Variants in SCFD2 observed in about 807,000 individuals in gnomAD.
SCFD2 encodes the protein sec1 family domain-containing protein 2.
In SCFD2, 54 loss-of-function variants were observed where a neutral mutation model predicts 58.9. That is an observed-to-expected ratio of 0.92 (90% CI 0.74 to 1.15). The LOEUF (loss-of-function observed/expected upper bound fraction) is 1.15. SCFD2 is among the 50% of genes most tolerant of loss of function. SCFD2 has a pLI of 0.00. For synonymous variants in SCFD2, 321 were observed against 335.9 expected, an observed-to-expected ratio of 0.96 and a Z score of 0.49; for missense variants, 805 against 836.6, an observed-to-expected ratio of 0.96 and a Z score of 0.47.
chr4:52,887,973 C>T (rs925616916), intron 7 of SCFD2, among the ~76,000 whole-genome samples: 10 of 134,256 alleles, frequency 7.4e-5, no homozygotes, highest in African/African-American at 1.8e-4. Context: ...TGCAGTGGTG[C>T]GATCTCGGCT....
chr4:53,264,454 G>A (rs1435754205), intron 4 of SCFD2, among the ~76,000 whole-genome samples: 1 of 152,206 alleles, frequency 6.6e-6, no homozygotes, highest in Non-Finnish European at 1.5e-5. Context: ...CTCCAAAGAT[G>A]CTTTTGCAAG....
At chr4:53,129,560 T>G (rs748789478) in intron 5 of SCFD2, among the ~76,000 whole-genome samples, 4 of 152,218 alleles carry the variant, frequency 2.6e-5, no homozygotes, top group Non-Finnish European at 4.4e-5. Flanking sequence ...CTGTTGCATC[T>G]CTTTCAATAT....
intron 5 of SCFD2, among the ~76,000 whole-genome samples, chr4:52,935,347 C>T (rs1217420800): frequency 1.3e-5 from 2 of 152,158 alleles, no homozygotes; most frequent in Non-Finnish European, 2.9e-5. Context: ...ACAACAACAA[C>T]AACAAAATTC....
intron 4 of SCFD2, among the ~76,000 whole-genome samples, chr4:53,238,012 C>T (rs911964719): frequency 7.1e-6 from 1 of 141,014 alleles, no homozygotes; most frequent in African/African-American, 2.7e-5. Context: ...GGCTGATCCC[C>T]CCACCTCCCT....
intron 7 of SCFD2, among the ~76,000 whole-genome samples, chr4:52,889,120 A>T (rs1192104032): frequency 6.6e-6 from 1 of 152,184 alleles, no homozygotes; most frequent in Non-Finnish European, 1.5e-5. Context: ...GGTTATCAAC[A>T]TCTCCTTGAT....
chr4:53,340,824 T>G (rs1733845617), intron 2 of SCFD2, among the ~76,000 whole-genome samples: 1 of 152,222 alleles, frequency 6.6e-6, no homozygotes, highest in South Asian at 2.1e-4. Context: ...TTATGCAGCC[T>G]CCGCTGCTGA....
chr4:53,164,845 T>A (rs369052577), intron 4 of SCFD2, among the ~76,000 whole-genome samples: 1 of 149,474 alleles, frequency 6.7e-6, no homozygotes, highest in Non-Finnish European at 1.5e-5. Flanking sequence ...AGTGTAGTCA[T>A]TCCTTAGGAG....
At chr4:53,275,038 A>C (rs1302307283) in intron 3 of SCFD2, among the ~76,000 whole-genome samples, 2 of 152,210 alleles carry the variant, frequency 1.3e-5, no homozygotes, top group East Asian at 3.9e-4. Flanking sequence ...AACCACCTGC[A>C]TTTATTTAGC....
chr4:53,269,944 T>C (rs1731109019), intron 4 of SCFD2, among the ~76,000 whole-genome samples: 1 of 152,166 alleles, frequency 6.6e-6, no homozygotes, highest in African/African-American at 2.4e-5. Flanking sequence ...GAAAATCACT[T>C]GAACTCAGGA....
intron 1 of SCFD2, among the ~76,000 whole-genome samples, chr4:53,361,467 G>A (rs1734546461): frequency 1.3e-5 from 2 of 152,220 alleles, no homozygotes; most frequent in African/African-American, 4.8e-5. Context: ...CACGATCACA[G>A]CTTACTGCAG....
intron 8 of SCFD2, among the ~76,000 whole-genome samples, chr4:52,878,961 CTCT>C (rs957852371): frequency 6.6e-6 from 1 of 152,210 alleles, no homozygotes; most frequent in Non-Finnish European, 1.5e-5. Flanking sequence ...TCCCTGCCAT[CTCT>C]TCTTCTCCTC....
chr4:52,948,769 G>T, intron 5 of SCFD2: 1 of 247,966 alleles, frequency 4.0e-6, no homozygotes, highest in Non-Finnish European at 8.2e-6. Context: ...TCATGGGGGT[G>T]GACAGGCTAG....
At chr4:53,285,134 T>C (rs1731626653) in intron 3 of SCFD2, among the ~76,000 whole-genome samples, 1 of 152,088 alleles carries the variant, frequency 6.6e-6, no homozygotes, top group South Asian at 2.1e-4. Flanking sequence ...GAACAGAAAA[T>C]AAACAGCTCT....
intron 4 of SCFD2, among the ~76,000 whole-genome samples, chr4:53,207,962 T>C (rs1453373052): frequency 6.6e-6 from 1 of 150,728 alleles, no homozygotes; most frequent in East Asian, 2.0e-4. Context: ...TTCTTTTCTT[T>C]TTTTTTTTCC....
intron 1 of SCFD2, among the ~76,000 whole-genome samples, chr4:53,355,551 A>G (rs1734376668): frequency 6.6e-6 from 1 of 152,152 alleles, no homozygotes; most frequent in Non-Finnish European, 1.5e-5. Context: ...TTGAGGATCT[A>G]CCTCAATCCT....
At chr4:53,267,093 C>T (rs939056379) in intron 4 of SCFD2, among the ~76,000 whole-genome samples, 1 of 152,002 alleles carries the variant, frequency 6.6e-6, no homozygotes, top group Non-Finnish European at 1.5e-5. Flanking sequence ...TTTCTAAGAC[C>T]GATTTCTTTT....
chr4:52,976,460 T>C (rs1721263235), intron 5 of SCFD2, among the ~76,000 whole-genome samples: 1 of 152,138 alleles, frequency 6.6e-6, no homozygotes, highest in African/African-American at 2.4e-5. Flanking sequence ...ACAAGTATCA[T>C]CTCCAAAATC....
intron 5 of SCFD2, among the ~76,000 whole-genome samples, chr4:53,059,962 C>T (rs1212872639): frequency 6.6e-6 from 1 of 152,096 alleles, no homozygotes; most frequent in Non-Finnish European, 1.5e-5. Context: ...TTTAATGATA[C>T]TCCTCTCACT....
At chr4:53,184,115 G>A (rs1727669564) in intron 4 of SCFD2, among the ~76,000 whole-genome samples, 1 of 152,100 alleles carries the variant, frequency 6.6e-6, no homozygotes, top group Admixed American at 6.6e-5. Flanking sequence ...TATAACTAGT[G>A]GTAAAGGCCA....
Sources: allele counts gnomAD v4.1 joint callset (sites outside exome capture counted in the v4.1 genomes callset), GRCh38; gene constraint gnomAD v4.1.1; transcripts MANE v1.5; gene names NCBI Gene and HGNC (gene_info 2026-07-23, HGNC 2026-07-21).